FSD1L: variants seen among roughly 807,000 people sequenced by gnomAD.
The protein encoded by FSD1L is fibronectin type III and SPRY domain containing 1 like, also known as FSD1-like protein.
A neutral mutation model predicts 71.6 loss-of-function variants in FSD1L; 45 were observed. The ratio of observed to expected loss-of-function variants is 0.63; its 90% CI spans 0.49 to 0.81. The LOEUF is 0.81. Among genes scored for constraint, FSD1L ranks in the 30% least tolerant of loss-of-function variants. The probability of loss-of-function intolerance (pLI) is 0.00; values close to 1 mark genes in which losing one functional copy is unlikely to be tolerated. For synonymous variants in FSD1L, 197 were observed against 207.2 expected, an observed-to-expected ratio of 0.95 and a Z score of 0.42; for missense variants, 561 against 618.1, an observed-to-expected ratio of 0.91 and a Z score of 0.98.
rs1589106004 is a variant in FSD1L, at chr9:105,536,828, G to A, written c.1378+1510G>A. Reference sequence around the variant, plus strand: ...ATTTTTGTATTTTTAGTAGAGACGGGGTTTCACCATGCTGGCCAGGCTGGT... The same window carrying A: ...ATTTTTGTATTTTTAGTAGAGACGGAGTTTCACCATGCTGGCCAGGCTGGT... On this transcript the variant is annotated intron_variant, in intron 12 of 13. Coordinates refer to ENST00000481272, the MANE Select transcript of FSD1L (RefSeq NM_001145313.3). Among the ~76,000 whole-genome samples, 4 of 152,080 alleles carry A rather than the reference G, an allele frequency of 2.6e-5. No homozygotes were observed. The South Asian group carries it at 8.3e-4, about 32-fold the overall frequency.
At chr9:105,481,176 T>TGTGTGTGTGG (rs1454412244) in intron 6 of FSD1L, among the ~76,000 whole-genome samples, 4,981 of 123,124 alleles carry the variant, frequency 0.04, 436 homozygotes, top group Admixed American at 0.085. Context: ...TGTGTGTGTG[T>TGTGTGTGTGG]GTGGTTCTTT....
At chr9:105,495,715 G>T (rs761530029) in intron 7 of FSD1L, among the ~76,000 whole-genome samples, 1 of 152,172 alleles carries the variant, frequency 6.6e-6, no homozygotes, top group Non-Finnish European at 1.5e-5. Flanking sequence ...GGTGGCTCAC[G>T]CCTGTAACCC....
intron 7 of FSD1L, 53 bp from the exon 8 acceptor site, chr9:105,506,346 G>T: frequency 7.9e-7 from 1 of 1,261,920 alleles, no homozygotes; most frequent in East Asian, 2.5e-5. Context: ...TATTTGATTA[G>T]TGTTGTAATA....
In FSD1L at chr9:105,535,533, A is replaced by G. The variant is rs183562553; in HGVS notation, c.1378+215A>G. Among the ~76,000 whole-genome samples, 104 of 152,278 alleles carry G rather than the reference A, an allele frequency of 6.8e-4. 1 individual carries two copies. Among genetic ancestry groups the G allele is most frequent in the Admixed American group, 2.0e-3 (30 of 15,288 alleles). On this transcript the variant is annotated intron_variant, in intron 12 of 13. Transcript: ENST00000481272. ...CCCTATAAAAGCACTCATTTATAAT[A>G]TACTAAGTCTGAAAGATTTTGCTAA... is the stretch of plus-strand genomic sequence containing the variant.
intron 6 of FSD1L, among the ~76,000 whole-genome samples, chr9:105,484,027 G>A (rs1487890526): frequency 6.6e-6 from 1 of 152,106 alleles, no homozygotes; most frequent in Non-Finnish European, 1.5e-5. Flanking sequence ...AAAGGAGTAA[G>A]GCTGGCATCA....
chr9:105,490,349 GTTGT>G (rs1365118278), intron 7 of FSD1L, among the ~76,000 whole-genome samples: 7 of 152,052 alleles, frequency 4.6e-5, no homozygotes, highest in Admixed American at 6.6e-5. Flanking sequence ...TTTTGATGGA[GTTGT>G]TTGTTTTTTT....
intron 2 of FSD1L, among the ~76,000 whole-genome samples, chr9:105,462,834 TA>T (rs1830801135): frequency 1.2e-3 from 1 of 806 alleles, no homozygotes; most frequent in Non-Finnish European, 1.9e-3. Context: ...CAATACTTTA[TA>T]TGAACATTTG....
intron 10 of FSD1L, among the ~76,000 whole-genome samples, chr9:105,517,239 T>C (rs896339044): frequency 1.3e-4 from 20 of 152,168 alleles, no homozygotes; most frequent in African/African-American, 4.8e-4. Context: ...GGAACCAAGT[T>C]GGAAACACTC....
intron 10 of FSD1L, chr9:105,523,849 T>G (rs1589075528): frequency 5.0e-6 from 8 of 1,597,778 alleles, no homozygotes; most frequent in African/African-American, 1.3e-5. Flanking sequence ...TCACCTCAAT[T>G]TTTTTCACTT....
chr9:105,509,910 A>G (rs1202424676), intron 9 of FSD1L, among the ~76,000 whole-genome samples: 3 of 152,232 alleles, frequency 2.0e-5, no homozygotes, highest in African/African-American at 4.8e-5. Flanking sequence ...TCTTTTCTAT[A>G]TAACTTGAAC....
chr9:105,506,765 A>T (rs1834074626), intron 8 of FSD1L, among the ~76,000 whole-genome samples, 157 bp downstream of exon 8: 1 of 151,936 alleles, frequency 6.6e-6, no homozygotes, highest in African/African-American at 2.4e-5. Flanking sequence ...TGAAACATCA[A>T]GGAAACCCTT....
At position 105,479,384 on chromosome 9, in the gene FSD1L, A is replaced by G. The variant is rs916459315; in HGVS notation, c.464+8A>G. On this transcript the variant is annotated splice_region_variant and intron_variant, in intron 6 of 13. Coordinates refer to ENST00000481272, the MANE Select transcript of FSD1L (RefSeq NM_001145313.3). Reference sequence around the variant, plus strand: ...CAGACAGATCAAGGATAGGTATGGTATAAAACACATTTTTACTTAAGTATA... The same window carrying G: ...CAGACAGATCAAGGATAGGTATGGTGTAAAACACATTTTTACTTAAGTATA... The G allele has an allele frequency of 2.6e-6, 4 of 1,545,128 alleles. No individual in the cohort carries two copies. In the African/African-American group the frequency reaches 5.5e-5, roughly 21 times the overall value.
intron 8 of FSD1L, among the ~76,000 whole-genome samples, chr9:105,507,500 G>A (rs986844580): frequency 6.6e-6 from 1 of 152,080 alleles, no homozygotes; most frequent in Non-Finnish European, 1.5e-5. Flanking sequence ...TTATGAAGTT[G>A]GCTTTATTAT....
intron 6 of FSD1L, among the ~76,000 whole-genome samples, chr9:105,482,966 A>G (rs1832310631): frequency 6.6e-6 from 1 of 152,236 alleles, no homozygotes; most frequent in Admixed American, 6.5e-5. Context: ...GTAAGTACGT[A>G]TCTGACTATA....
At chr9:105,462,781 C>A (rs762535683) in intron 2 of FSD1L, among the ~76,000 whole-genome samples, 2 of 149,742 alleles carry the variant, frequency 1.3e-5, no homozygotes, top group Non-Finnish European at 3.0e-5. Flanking sequence ...CCTGGGCCTC[C>A]CATAGCGCAC....
chr9:105,533,934 G>C (rs779511950), intron 10 of FSD1L, among the ~76,000 whole-genome samples: 7 of 151,986 alleles, frequency 4.6e-5, no homozygotes, highest in Non-Finnish European at 8.8e-5. Context: ...CGTTAGTCAG[G>C]CTCGTCTCGA....
At chr9:105,450,230 AC>A (rs1829905402) in intron 1 of FSD1L, among the ~76,000 whole-genome samples, 2 of 152,222 alleles carry the variant, frequency 1.3e-5, no homozygotes, top group South Asian at 4.1e-4. Context: ...ATTTTTAGAT[AC>A]TATTTTCTGT....
chr9:105,484,156 A>C (rs1195727113), intron 6 of FSD1L, among the ~76,000 whole-genome samples: 1 of 152,124 alleles, frequency 6.6e-6, no homozygotes. Flanking sequence ...ATTGGCTGGG[A>C]GGAAAGTTGC....
chr9:105,463,431 G>C (rs1415502795), intron 2 of FSD1L, among the ~76,000 whole-genome samples: 1 of 152,184 alleles, frequency 6.6e-6, no homozygotes, highest in Non-Finnish European at 1.5e-5. Flanking sequence ...ACTGCAACTA[G>C]ACTTGTGCTG....
Sources: allele counts gnomAD v4.1 joint callset (sites outside exome capture counted in the v4.1 genomes callset), GRCh38; gene constraint gnomAD v4.1.1; transcripts MANE v1.5; gene names NCBI Gene and HGNC (gene_info 2026-07-23, HGNC 2026-07-21).